The following NFS1 variants were observed in gnomAD, a reference collection of about 807,000 sequenced individuals.
NFS1 encodes cysteine desulfurase.
In NFS1, 26 loss-of-function variants were observed where a neutral mutation model predicts 57.3. That is an observed-to-expected ratio of 0.45 (90% CI 0.33 to 0.63). The LOEUF (loss-of-function observed/expected upper bound fraction) is 0.63, where lower values mean the gene tolerates loss of function less well. NFS1 is among the 20% of genes least tolerant of loss of function. The probability of loss-of-function intolerance (pLI) is 0.02; values close to 1 mark genes in which losing one functional copy is unlikely to be tolerated. For missense variants in NFS1, 505 were observed against 605.8 expected, an observed-to-expected ratio of 0.83 and a Z score of 1.75; for synonymous variants, 209 against 216.3, an observed-to-expected ratio of 0.97 and a Z score of 0.30.
intron 5 of NFS1, among the ~76,000 whole-genome samples, chr20:35,688,763 G>T (rs1235484144): frequency 1.6e-5 from 2 of 122,594 alleles, no homozygotes; most frequent in African/African-American, 5.9e-5. Context: ...AAAAGAGGGA[G>T]GGAGGGAAAA....
rs748745138 is a variant in NFS1, at chr20:35,680,693, T to C, written c.790+44A>G. Reference sequence around the variant, plus strand: ...TGTGACAAACATCTATCAAAGGTCTTGCTGGAAGGTACAGAGAGAAGGAAC... The same window carrying C: ...TGTGACAAACATCTATCAAAGGTCTCGCTGGAAGGTACAGAGAGAAGGAAC... On this transcript the variant is annotated intron_variant, in intron 7 of 12. Transcript: ENST00000374092. The C allele has an allele frequency of 1.5e-5, 21 of 1,419,004 alleles. No individual in the cohort carries two copies. The Admixed American group carries it at 5.7e-4, about 38-fold the overall frequency. 87.9% of individuals were successfully genotyped at this position (1,419,004 alleles called of 1,614,324 possible). A position where few individuals can be genotyped will look rare whatever the true frequency, so the allele number is the denominator to read the frequency against.
At chr20:35,698,399 C>T in intron 2 of NFS1, 82 bp downstream of exon 2, 12 of 1,096,550 alleles carry the variant, frequency 1.1e-5, no homozygotes, top group Non-Finnish European at 1.6e-5. Flanking sequence ...TCTCACTTCT[C>T]CAGGGATTCA....
intron 12 of NFS1, among the ~76,000 whole-genome samples, chr20:35,670,859 C>T (rs1303119277): frequency 6.6e-6 from 1 of 152,036 alleles, no homozygotes; most frequent in East Asian, 1.9e-4. Flanking sequence ...CTAGACCCTA[C>T]AAAGAAAAAT....
intron 6 of NFS1, among the ~76,000 whole-genome samples, chr20:35,681,225 A>G (rs2034842880): frequency 7.2e-6 from 1 of 139,008 alleles, no homozygotes; most frequent in Non-Finnish European, 1.5e-5. Context: ...AAACAAACAA[A>G]ACAAAATAAA....
chr20:35,670,438 G>C (rs2034634960), intron 12 of NFS1, among the ~76,000 whole-genome samples: 1 of 152,130 alleles, frequency 6.6e-6, no homozygotes, highest in Non-Finnish European at 1.5e-5. Flanking sequence ...ATGAATATGG[G>C]ATTTTACAGT....
In NFS1 at chr20:35,669,741, A is replaced by C. The variant is rs6060546; in HGVS notation, c.1311-56T>G. The C allele has an allele frequency of 0.058, 88,543 of 1,527,170 alleles. 3,662 individuals are homozygous for C. The highest frequency in any genetic ancestry group is 0.18 in the South Asian group (16,166 of 89,162). 94.6% of individuals were successfully genotyped at this position (1,527,170 alleles called of 1,614,324 possible). Reference sequence around the variant, plus strand: ...AGGGCTTAGATAGGAAGTCGACAACATTGGCCCCAAGGCTCTGAGCAATGG... The same window carrying C: ...AGGGCTTAGATAGGAAGTCGACAACCTTGGCCCCAAGGCTCTGAGCAATGG... On this transcript the variant is annotated intron_variant, in intron 12 of 12. Transcript: ENST00000374092.
At chr20:35,676,937 G>A (rs1332796941) in intron 7 of NFS1, among the ~76,000 whole-genome samples, 1 of 151,812 alleles carries the variant, frequency 6.6e-6, no homozygotes, top group Non-Finnish European at 1.5e-5. Context: ...CACGGTCTCA[G>A]CTCACCGCAA....
At chr20:35,680,222 G>A (rs376007190) in intron 7 of NFS1, among the ~76,000 whole-genome samples, 102 of 152,192 alleles carry the variant, frequency 6.7e-4, no homozygotes, top group African/African-American at 2.2e-3. Flanking sequence ...GAAGAATGGC[G>A]TGAACCAGGG....
rs750913818 is a variant in NFS1 at position 35,694,143 on chromosome 20, CT to C, written c.408+2233del. Among the ~76,000 whole-genome samples the C allele has an allele frequency of 1.7e-3, 229 of 133,982 alleles. 1 individual carries two copies. The highest frequency in any genetic ancestry group is 0.011 in the South Asian group (45 of 4,216). The allele number at this position is 133,982 out of a possible 152,430, so 87.9% of individuals were successfully genotyped here. A position where few individuals can be genotyped will look rare whatever the true frequency, so the allele number is the denominator to read the frequency against. On this transcript the variant is annotated intron_variant, in intron 4 of 12. Transcript: ENST00000374092. Reference sequence around the variant, plus strand: ...CCTAGGTGACAGAATGAGACCATGTCTTTTTTTTTTTTTTTTTTGAGACAGA... The same window carrying C: ...CCTAGGTGACAGAATGAGACCATGTCTTTTTTTTTTTTTTTTTGAGACAGA...
At position 35,699,028 on chromosome 20, in the gene NFS1, A is replaced by G. The variant is rs941004308; in HGVS notation, c.97+164T>C. ...TGCGAGGGGTGGTGCGCCGGGGTCA[A>G]CCGTTCGGGGACCCGCCTAAGAAAG... On this transcript the variant is annotated intron_variant, in intron 1 of 12. Transcript: ENST00000374092. The surrounding 1 kb of genome is among the most constrained non-coding windows in gnomAD (Gnocchi z 4.4). 3.8e-6 allele frequency: 5 copies of G among 1,323,078 alleles called. 1 individual carries two copies. In the African/African-American group the frequency reaches 4.6e-5, roughly 12 times the overall value. The allele number at this position is 1,323,078 out of a possible 1,614,324, so 82.0% of individuals were successfully genotyped here.
rs1160095658 is a variant in NFS1 at position 35,673,585 on chromosome 20, A to C, written c.1220+16T>G. Reference sequence around the variant, plus strand: ...AGAGGATGCCTTTCATAAATGTTGCAGCTCAACTCACTGACCTGATAGAAG... The same window carrying C: ...AGAGGATGCCTTTCATAAATGTTGCCGCTCAACTCACTGACCTGATAGAAG... On this transcript the variant is annotated intron_variant, in intron 11 of 12. Coordinates refer to ENST00000374092, the MANE Select transcript of NFS1 (RefSeq NM_021100.5). 6.2e-7 allele frequency: 1 copy of C among 1,607,562 alleles called. No homozygotes were observed. The highest frequency in any genetic ancestry group is 8.5e-7 in the Non-Finnish European group (1 of 1,174,896).
chr20:35,696,619 T>C (rs1474235936), intron 3 of NFS1, among the ~76,000 whole-genome samples, 159 bp from the exon 4 acceptor site: 5 of 152,124 alleles, frequency 3.3e-5, no homozygotes, highest in Non-Finnish European at 7.3e-5. Flanking sequence ...ATTCTAGTTA[T>C]ATCCCAGATC....
rs2034756870 is a variant in NFS1, at chr20:35,676,782, A to C, written c.791-1580T>G. On this transcript the variant is annotated intron_variant, in intron 7 of 12. Transcript: ENST00000374092. Reference sequence around the variant, plus strand: ...AGAAAAAAAAAAAAAAAAAAAAAAAAAAACCAAGAAAGAAATTACCTCCCC... The same window carrying C: ...AGAAAAAAAAAAAAAAAAAAAAAAACAAACCAAGAAAGAAATTACCTCCCC... Among the ~76,000 whole-genome samples the C allele has an allele frequency of 1.6e-5, 2 of 122,642 alleles. 1 individual carries two copies. Among genetic ancestry groups the C allele is most frequent in the African/African-American group, 6.2e-5 (2 of 32,512 alleles). 80.5% of individuals were successfully genotyped at this position (122,642 alleles called of 152,430 possible).
At chr20:35,674,673 A>G in intron 8 of NFS1, 56 bp from the exon 9 acceptor site, 1 of 1,349,944 alleles carries the variant, frequency 7.4e-7, no homozygotes, top group Non-Finnish European at 1.1e-6. Flanking sequence ...TCAGAAAGAC[A>G]GTTTGAGAAG....
chr20:35,698,751 C>T (rs2035188058), intron 1 of NFS1, 161 bp from the exon 2 acceptor site: 2 of 1,413,774 alleles, frequency 1.4e-6, no homozygotes, highest in Non-Finnish European at 1.8e-6. Flanking sequence ...ATACCTGACA[C>T]GCTGTAAAAG....
chr20:35,682,091 G>A, intron 5 of NFS1, 110 bp from the exon 6 acceptor site: 1 of 539,524 alleles, frequency 1.9e-6, no homozygotes, highest in Non-Finnish European at 3.5e-6. Flanking sequence ...ATACCTATCT[G>A]AATAGTTAAC....
rs8116414 is a variant in NFS1 at position 35,696,631 on chromosome 20, C to A, written c.325-171G>T. Among the ~76,000 whole-genome samples the A allele has an allele frequency of 0.04, 6,081 of 152,136 alleles. 139 individuals are homozygous for A. The highest frequency in any genetic ancestry group is 0.062 in the African/African-American group (2,558 of 41,484). On this transcript the variant is annotated intron_variant, in intron 3 of 12. Coordinates refer to ENST00000374092, the MANE Select transcript of NFS1 (RefSeq NM_021100.5). ...CAGATTCTAGTTATATCCCAGATCC[C>A]AGGCTCTTTTCCAGCCCAATGCAAA...
chr20:35,693,357 C>T (rs1339554366), intron 4 of NFS1, among the ~76,000 whole-genome samples: 1 of 152,080 alleles, frequency 6.6e-6, no homozygotes, highest in Admixed American at 6.6e-5. Context: ...CTCGGCCTCC[C>T]AATGTGCTAA....
intron 1 of NFS1, 69 bp from the exon 2 acceptor site, chr20:35,698,659 G>A: frequency 6.6e-7 from 1 of 1,504,700 alleles, no homozygotes; most frequent in Non-Finnish European, 8.9e-7. Flanking sequence ...CATCCAAAGG[G>A]CAGAAGGAAA....
Sources: gnomAD v4.1 joint callset for allele counts (sites outside exome capture counted in the v4.1 genomes callset) on GRCh38, gnomAD v4.1.1 for gene constraint, Gnocchi (gnomAD v3.1) non-coding constraint, MANE v1.5 for transcripts, NCBI Gene and HGNC (gene_info 2026-07-23, HGNC 2026-07-21) for gene names.